The following MLIP variants were observed in gnomAD, a reference collection of about 807,000 sequenced individuals.
MLIP encodes the protein muscular LMNA-interacting protein.
A neutral mutation model predicts 84.8 loss-of-function variants in MLIP; 79 were observed. The observed-to-expected ratio is 0.93, with a 90% CI of 0.78 to 1.12. The LOEUF (loss-of-function observed/expected upper bound fraction) is 1.12. MLIP is among the 50% of genes most tolerant of loss of function. The pLI is 0.00. For synonymous variants in MLIP, 504 were observed against 463.0 expected (o/e 1.09, Z -1.14); for missense variants, 1,257 against 1,160.6 (o/e 1.08, Z -1.21).
At chr6:54,053,133 A>C (rs1765467114) in intron 1 of MLIP, among the ~76,000 whole-genome samples, 1 of 152,218 alleles carries the variant, frequency 6.6e-6, no homozygotes, top group Admixed American at 6.5e-5. Flanking sequence ...GGGAACACAG[A>C]ACTAGAAAAT....
chr6:54,189,102 C>T (rs1056138691), intron 9 of MLIP, among the ~76,000 whole-genome samples: 3 of 152,148 alleles, frequency 2.0e-5, no homozygotes, highest in Non-Finnish European at 4.4e-5. Flanking sequence ...AAGAAGGAAA[C>T]TAGGGAGCAG....
At chr6:54,078,046 GC>G (rs1400974805) in intron 1 of MLIP, among the ~76,000 whole-genome samples, 1 of 152,130 alleles carries the variant, frequency 6.6e-6, no homozygotes, top group Non-Finnish European at 1.5e-5. Flanking sequence ...TAGGTTGTAT[GC>G]CCACAAGACT....
In MLIP at chr6:54,139,853, C is replaced by T. The variant is rs557982999; in HGVS notation, c.2217+1567C>T. Among the ~76,000 whole-genome samples, 100 of 152,138 alleles carry T rather than the reference C, an allele frequency of 6.6e-4. 1 individual carries two copies. Among genetic ancestry groups the T allele is most frequent in the Admixed American group, 2.9e-3 (44 of 15,282 alleles). On this transcript the variant is annotated intron_variant, in intron 4 of 13. Transcript: ENST00000502396. ...CAATTTAGCCTGACTTTACAATTCT[C>T]ATGAAGAAAATCATTATTAAGGAAT...
intron 1 of MLIP, among the ~76,000 whole-genome samples, chr6:54,082,679 A>G (rs1000782584): frequency 2.6e-5 from 4 of 152,112 alleles, no homozygotes; most frequent in African/African-American, 9.7e-5. Context: ...GGTATTGCCA[A>G]TTTGGTGGGT....
At chr6:54,026,922 A>G (rs1027464284) in intron 1 of MLIP, among the ~76,000 whole-genome samples, 2 of 152,178 alleles carry the variant, frequency 1.3e-5, no homozygotes, top group Admixed American at 6.5e-5. Context: ...ACAAAGTGAA[A>G]GGTTGGATTG....
chr6:54,121,411 C>T, intron 1 of MLIP, 36 bp from the exon 2 acceptor site: 4 of 1,605,878 alleles, frequency 2.5e-6, no homozygotes, highest in Non-Finnish European at 3.4e-6. Context: ...AAACCTTTGA[C>T]AAGGCTGAAA....
intron 13 of MLIP, among the ~76,000 whole-genome samples, chr6:54,259,107 T>C (rs1783215230): frequency 6.6e-6 from 1 of 151,936 alleles, no homozygotes; most frequent in Non-Finnish European, 1.5e-5. Flanking sequence ...TCTGTTATTT[T>C]TGTCTTTTTA....
At chr6:54,195,410 G>A (rs1462566414) in intron 10 of MLIP, among the ~76,000 whole-genome samples, 1 of 151,902 alleles carries the variant, frequency 6.6e-6, no homozygotes, top group Admixed American at 6.6e-5. Flanking sequence ...AAAAACATCA[G>A]TCCATTAGTG....
intron 8 of MLIP, among the ~76,000 whole-genome samples, chr6:54,166,713 A>G (rs1775230078): frequency 6.6e-6 from 1 of 151,760 alleles, no homozygotes. Flanking sequence ...TGGTGATCTC[A>G]CCCTGTTTTA....
chr6:54,032,063 A>G (rs549051212), intron 1 of MLIP, among the ~76,000 whole-genome samples: 17 of 152,266 alleles, frequency 1.1e-4, no homozygotes, highest in Admixed American at 1.1e-3. Flanking sequence ...GAGACTATGG[A>G]ACTTTCTGAG....
At chr6:54,112,109 A>G (rs947850460) in intron 1 of MLIP, among the ~76,000 whole-genome samples, 1 of 152,214 alleles carries the variant, frequency 6.6e-6, no homozygotes, top group Non-Finnish European at 1.5e-5. Context: ...AGAAACTAAG[A>G]TATTTAAATA....
chr6:54,199,273 A>G (rs1778509840), intron 10 of MLIP, among the ~76,000 whole-genome samples: 1 of 152,158 alleles, frequency 6.6e-6, no homozygotes, highest in Admixed American at 6.6e-5. Context: ...GATAAAAATC[A>G]CAGGCATGAT....
chr6:54,251,836 T>C (rs1235419376), intron 12 of MLIP, among the ~76,000 whole-genome samples: 2 of 76,498 alleles, frequency 2.6e-5, no homozygotes, highest in African/African-American at 1.1e-4. Flanking sequence ...AATATATATA[T>C]TATAACATAT....
chr6:54,028,084 G>A (rs1346877131), intron 1 of MLIP, among the ~76,000 whole-genome samples: 2 of 152,130 alleles, frequency 1.3e-5, no homozygotes, highest in Admixed American at 1.3e-4. Flanking sequence ...AGAATCATTT[G>A]CTTTATTTTG....
At chr6:54,240,701 G>A (rs1781678337) in intron 12 of MLIP, among the ~76,000 whole-genome samples, 1 of 152,172 alleles carries the variant, frequency 6.6e-6, no homozygotes, top group Non-Finnish European at 1.5e-5. Context: ...TCCTGGCCGG[G>A]CACCGTGGCT....
At chr6:54,194,866 A>G (rs953439718) in intron 10 of MLIP, among the ~76,000 whole-genome samples, 1 of 151,734 alleles carries the variant, frequency 6.6e-6, no homozygotes, top group Non-Finnish European at 1.5e-5. Context: ...TTTTTCCAAT[A>G]TTGGGAGCTT....
rs1404140834 is a variant in MLIP, at chr6:54,111,465, T to G, written c.-15T>G. The G allele has an allele frequency of 6.5e-7, 1 of 1,535,872 alleles. No homozygotes were observed. ...CTCAGTCATTGGTTTGCTCGCTCCCTTATGTGATGAATCAATGCTTTCAGA... is the reference window on the plus strand; with the variant it reads ...CTCAGTCATTGGTTTGCTCGCTCCCGTATGTGATGAATCAATGCTTTCAGA... On this transcript the variant is annotated 5_prime_UTR_variant, in exon 1 of 14. Coordinates refer to ENST00000502396, the MANE Select transcript of MLIP (RefSeq NM_001281747.2).
chr6:54,216,650 A>AT (rs1006009991), intron 11 of MLIP: 2 of 978,744 alleles, frequency 2.0e-6, no homozygotes, highest in African/African-American at 3.5e-5. Flanking sequence ...CATATGCTAA[A>AT]TTTTTCATAC....
chr6:54,072,616 G>T (rs535867926), intron 1 of MLIP, among the ~76,000 whole-genome samples: 141 of 152,254 alleles, frequency 9.3e-4, no homozygotes, highest in African/African-American at 3.3e-3. Context: ...TTATGGTAAT[G>T]CTCATTAATA....
Sources: gnomAD v4.1 joint callset for allele counts (sites outside exome capture counted in the v4.1 genomes callset) on GRCh38, gnomAD v4.1.1 for gene constraint, MANE v1.5 for transcripts, NCBI Gene and HGNC (gene_info 2026-07-23, HGNC 2026-07-21) for gene names.